ARHGAP10: variants seen among roughly 807,000 people sequenced by gnomAD.
ARHGAP10 encodes the protein Rho GTPase activating protein 10.
A neutral mutation model predicts 108.6 loss-of-function variants in ARHGAP10; 87 were observed. That is an observed-to-expected ratio of 0.80 (90% CI 0.67 to 0.96). The LOEUF is 0.96. Ranked by LOEUF, ARHGAP10 falls within the 40% of genes least tolerant of loss-of-function variation. The pLI, the probability that ARHGAP10 is intolerant of heterozygous loss-of-function variation, is 0.00. For synonymous variants in ARHGAP10, 347 were observed against 341.1 expected (o/e 1.02, Z -0.19); for missense variants, 939 against 954.5 (o/e 0.98, Z 0.21).
chr4:147,984,436 G>T (rs1282910633), intron 18 of ARHGAP10, among the ~76,000 whole-genome samples: 1 of 152,228 alleles, frequency 6.6e-6, no homozygotes, highest in Non-Finnish European at 1.5e-5. Flanking sequence ...CTGTGGTGGT[G>T]CCACCTTTAG....
At chr4:147,886,146 T>G (rs1735545287) in intron 10 of ARHGAP10, among the ~76,000 whole-genome samples, 1 of 152,230 alleles carries the variant, frequency 6.6e-6, no homozygotes, top group African/African-American at 2.4e-5. Context: ...ATTTCGTATG[T>G]GCAAATATTC....
intron 19 of ARHGAP10, among the ~76,000 whole-genome samples, chr4:148,042,444 CCAA>C (rs1246672903): frequency 6.6e-6 from 1 of 152,206 alleles, no homozygotes; most frequent in African/African-American, 2.4e-5. Flanking sequence ...CCAACAAAAT[CCAA>C]CAACTACTGT....
At chr4:147,764,008 G>T (rs1335264239) in intron 1 of ARHGAP10, among the ~76,000 whole-genome samples, 1 of 152,156 alleles carries the variant, frequency 6.6e-6, no homozygotes, top group Non-Finnish European at 1.5e-5. Context: ...GCCTGCCTCG[G>T]CCTCCTAAAG....
intron 1 of ARHGAP10, among the ~76,000 whole-genome samples, chr4:147,765,339 G>GTGTGT (rs72246174): frequency 3.7e-5 from 1 of 26,764 alleles, no homozygotes; most frequent in Non-Finnish European, 1.3e-4. Flanking sequence ...TGTGTGTGTG[G>GTGTGT]GGGGGGGGGT....
chr4:148,069,228 G>C (rs1730044420), intron 22 of ARHGAP10, among the ~76,000 whole-genome samples: 1 of 152,136 alleles, frequency 6.6e-6, no homozygotes, highest in Non-Finnish European at 1.5e-5. Flanking sequence ...CACTTTTCCT[G>C]TGCTTGGGGA....
intron 22 of ARHGAP10, among the ~76,000 whole-genome samples, chr4:148,067,139 C>T (rs1404806660): frequency 2.0e-5 from 3 of 152,238 alleles, no homozygotes; most frequent in Middle Eastern, 3.2e-3. Context: ...TTAATGTGAG[C>T]TACTTGTCTT....
rs1737584603 is a variant in ARHGAP10, at chr4:147,929,433, T to C, written c.1229-10392T>C. Among the ~76,000 whole-genome samples, 5 of 152,354 alleles carry C rather than the reference T, an allele frequency of 3.3e-5. No individual in the cohort carries two copies. In the South Asian group the frequency reaches 1.0e-3, roughly 32 times the overall value. ...TGACAGAATGTTATAATGTTATGAA[T>C]TGCTGAGTATCTTGGAAGAGTATCT... On this transcript the variant is annotated intron_variant, in intron 13 of 22. Coordinates refer to ENST00000336498, the MANE Select transcript of ARHGAP10 (RefSeq NM_024605.4).
chr4:147,866,774 C>T lies in ARHGAP10; in HGVS notation c.660C>T (p.Asp220=), dbSNP rs747766567. ...ATCAGGGCCATGAACTTGCCAAAGA[C>T]TTCAATCACTACAAAATGGAACTAC... is the stretch of plus-strand genomic sequence containing the variant. ...FYHQGHELAK[D]FNHYKMELQI... is the part of the protein sequence containing the mutation. The change falls in exon 7 of 23, where the codon GAC becomes GAT. Residue 220 remains aspartate, a synonymous_variant. Coordinates refer to ENST00000336498, the MANE Select transcript of ARHGAP10 (RefSeq NM_024605.4). 1.2e-6 allele frequency: 2 copies of T among 1,613,718 alleles called. No homozygotes were observed. Among genetic ancestry groups the T allele is most frequent in the Non-Finnish European group, 1.7e-6 (2 of 1,179,752 alleles).
intron 22 of ARHGAP10, chr4:148,065,362 A>G (rs1729814897): frequency 6.6e-6 from 1 of 152,218 alleles, no homozygotes; most frequent in Non-Finnish European, 1.5e-5. Context: ...GCATTTGCTG[A>G]CGATTGTTTT....
intron 1 of ARHGAP10, among the ~76,000 whole-genome samples, chr4:147,762,147 A>G (rs1729613804): frequency 6.6e-6 from 1 of 152,310 alleles, no homozygotes; most frequent in Admixed American, 6.5e-5. Context: ...AGCTGGGACC[A>G]TAGGCATGCG....
At chr4:147,936,529 C>T (rs1417134920) in intron 13 of ARHGAP10, among the ~76,000 whole-genome samples, 2 of 151,776 alleles carry the variant, frequency 1.3e-5, no homozygotes, top group African/African-American at 4.8e-5. Flanking sequence ...CGGGGTTTCA[C>T]CTTGTTAGCC....
intron 20 of ARHGAP10, among the ~76,000 whole-genome samples, chr4:148,050,704 C>T (rs1202611689): frequency 2.0e-5 from 3 of 152,212 alleles, no homozygotes; most frequent in Non-Finnish European, 4.4e-5. Flanking sequence ...AGATTACAAA[C>T]TCTTCCTCTA....
At chr4:148,036,729 A>C (rs1728393778) in intron 19 of ARHGAP10, among the ~76,000 whole-genome samples, 1 of 152,174 alleles carries the variant, frequency 6.6e-6, no homozygotes, top group Non-Finnish European at 1.5e-5. Flanking sequence ...TAGCATACGG[A>C]TAGATGGAGA....
At chr4:147,764,514 C>G (rs1729716032) in intron 1 of ARHGAP10, among the ~76,000 whole-genome samples, 1 of 151,498 alleles carries the variant, frequency 6.6e-6, no homozygotes. Flanking sequence ...AATCTGGAAT[C>G]AATTAAAATT....
At chr4:148,035,520 C>T (rs560566247) in intron 19 of ARHGAP10, among the ~76,000 whole-genome samples, 1 of 152,210 alleles carries the variant, frequency 6.6e-6, no homozygotes, top group Non-Finnish European at 1.5e-5. Flanking sequence ...TAGCAACTGA[C>T]TGTCATTCAT....
chr4:147,876,839 A>G (rs901137418), intron 8 of ARHGAP10, among the ~76,000 whole-genome samples: 1 of 152,216 alleles, frequency 6.6e-6, no homozygotes, highest in Non-Finnish European at 1.5e-5. Flanking sequence ...TCCATAAAAC[A>G]GCCCTATGAA....
chr4:147,796,916 G>T (rs1008054027), intron 1 of ARHGAP10, among the ~76,000 whole-genome samples: 2 of 152,154 alleles, frequency 1.3e-5, no homozygotes, highest in African/African-American at 4.8e-5. Flanking sequence ...TTTCCCTCAT[G>T]CCATAGAGCC....
At chr4:147,878,190 G>A (rs980735781) in intron 8 of ARHGAP10, among the ~76,000 whole-genome samples, 1 of 152,090 alleles carries the variant, frequency 6.6e-6, no homozygotes, top group Admixed American at 6.6e-5. Flanking sequence ...CTGCCTCCTG[G>A]GTTCAGCCTA....
At chr4:147,781,478 C>T (rs1730528315) in intron 1 of ARHGAP10, among the ~76,000 whole-genome samples, 1 of 152,134 alleles carries the variant, frequency 6.6e-6, no homozygotes, top group South Asian at 2.1e-4. Context: ...GCTACTTTTA[C>T]ATCTTAAATA....
Sources: gnomAD v4.1 joint callset for allele counts (sites outside exome capture counted in the v4.1 genomes callset) on GRCh38, gnomAD v4.1.1 for gene constraint, MANE v1.5 for transcripts, NCBI Gene and HGNC (gene_info 2026-07-23, HGNC 2026-07-21) for gene names.